PIEZO2: variants seen among roughly 807,000 people sequenced by gnomAD.
The protein encoded by PIEZO2 is piezo type mechanosensitive ion channel component 2.
A neutral mutation model predicts 337.3 loss-of-function variants in PIEZO2; 172 were observed. The ratio of observed to expected loss-of-function variants is 0.51; its 90% CI spans 0.45 to 0.58. The LOEUF (loss-of-function observed/expected upper bound fraction) is 0.58. Among genes scored for constraint, PIEZO2 ranks in the 20% least tolerant of loss-of-function variants. The probability of loss-of-function intolerance (pLI) is 0.00; values close to 1 mark genes in which losing one functional copy is unlikely to be tolerated. For missense variants in PIEZO2, 3,028 were observed against 3,391.3 expected (o/e 0.89, Z 2.66); for synonymous variants, 1,251 against 1,228.5 (o/e 1.02, Z -0.38).
rs934721545 is a variant in PIEZO2 at position 10,983,922 on chromosome 18, G to T, written c.161-4262C>A. Reference sequence around the variant, plus strand: ...ATTGAATGCTATCAGTACCAGGCCTGGTTTTGTTGGATAGAGAGAAGGCAC... The same window carrying T: ...ATTGAATGCTATCAGTACCAGGCCTTGTTTTGTTGGATAGAGAGAAGGCAC... On this transcript the variant is annotated intron_variant, in intron 2 of 55. Coordinates refer to ENST00000674853, the MANE Select transcript of PIEZO2 (RefSeq NM_001378183.1). Among the ~76,000 whole-genome samples, 6 of 152,092 alleles carry T rather than the reference G, an allele frequency of 3.9e-5. No homozygotes were observed. The South Asian group carries it at 6.2e-4, about 16-fold the overall frequency.
intron 40 of PIEZO2, 79 bp from the exon 41 acceptor site, chr18:10,705,825 C>T: frequency 1.4e-6 from 2 of 1,411,880 alleles, no homozygotes; most frequent in Middle Eastern, 3.8e-4. Flanking sequence ...CCTGAGAGAC[C>T]TCATCAGAAC....
At chr18:10,704,922 C>T (rs2035510709) in intron 41 of PIEZO2, among the ~76,000 whole-genome samples, 1 of 152,186 alleles carries the variant, frequency 6.6e-6, no homozygotes, top group African/African-American at 2.4e-5. Flanking sequence ...AACTCCTAAC[C>T]TCAGGTGATC....
chr18:11,023,183 A>G (rs1040174830), intron 2 of PIEZO2, among the ~76,000 whole-genome samples: 6 of 152,120 alleles, frequency 3.9e-5, no homozygotes, highest in African/African-American at 1.4e-4. Flanking sequence ...GACCCGACCC[A>G]GTTGCCACTG....
intron 1 of PIEZO2, among the ~76,000 whole-genome samples, chr18:11,106,181 G>A (rs1197240714): frequency 6.6e-6 from 1 of 151,958 alleles, no homozygotes; most frequent in Non-Finnish European, 1.5e-5. Flanking sequence ...CCGCCTCCCG[G>A]GTTCACGTCA....
chr18:10,802,659 T>C (rs1758009194), intron 9 of PIEZO2, among the ~76,000 whole-genome samples: 1 of 152,166 alleles, frequency 6.6e-6, no homozygotes, highest in African/African-American at 2.4e-5. Flanking sequence ...CACATAGGTA[T>C]GCAATTTGGT....
chr18:10,990,492 C>T (rs74502537), intron 2 of PIEZO2, among the ~76,000 whole-genome samples: 3,224 of 152,112 alleles, frequency 0.021, 122 homozygotes, highest in African/African-American at 0.072. Flanking sequence ...CCTTGGTCTG[C>T]CCCCGTCCAT....
chr18:10,678,530 A>G (rs1413043076), intron 52 of PIEZO2, among the ~76,000 whole-genome samples: 1 of 152,154 alleles, frequency 6.6e-6, no homozygotes, highest in African/African-American at 2.4e-5. Flanking sequence ...CTAACTAACA[A>G]GTCACTCTCA....
chr18:10,872,464 A>G lies in PIEZO2; in HGVS notation c.330-1049T>C, dbSNP rs921534059. On this transcript the variant is annotated intron_variant, in intron 4 of 55. Coordinates refer to ENST00000674853, the MANE Select transcript of PIEZO2 (RefSeq NM_001378183.1). The surrounding 1 kb of genome is among the most constrained non-coding windows in gnomAD (Gnocchi z 4.3). ...AGAGGCAGTATACTGAGTTGCCAGC[A>G]TAGTTGGCCAGCACACATCACCTCA... Among the ~76,000 whole-genome samples, 1 of 152,218 alleles carries G rather than the reference A, an allele frequency of 6.6e-6. No homozygotes were observed. The highest frequency in any genetic ancestry group is 1.5e-5 in the Non-Finnish European group (1 of 68,054).
chr18:10,890,903 C>T (rs529581263), intron 4 of PIEZO2, among the ~76,000 whole-genome samples: 16 of 152,250 alleles, frequency 1.1e-4, no homozygotes, highest in Admixed American at 4.6e-4. Flanking sequence ...TGGGAATCAA[C>T]CAGTACTTTA....
intron 18 of PIEZO2, among the ~76,000 whole-genome samples, chr18:10,778,719 G>A (rs1291445601): frequency 6.6e-5 from 10 of 152,198 alleles, no homozygotes. Context: ...CAAGTTTTTG[G>A]TCATTTGGGG....
chr18:10,680,744 A>G (rs1039051499), intron 51 of PIEZO2, among the ~76,000 whole-genome samples: 6 of 152,216 alleles, frequency 3.9e-5, no homozygotes, highest in Non-Finnish European at 7.3e-5. Flanking sequence ...TGCTCAGGAC[A>G]TCCCAACCCT....
chr18:10,785,045 C>T (rs1223071372), intron 16 of PIEZO2, 88 bp from the exon 17 acceptor site: 2 of 1,358,518 alleles, frequency 1.5e-6, no homozygotes, highest in Non-Finnish European at 2.0e-6. Flanking sequence ...CACAGTCTTA[C>T]ACTCCTGTCA....
At chr18:10,884,761 G>C (rs760923126) in intron 4 of PIEZO2, among the ~76,000 whole-genome samples, 10 of 152,148 alleles carry the variant, frequency 6.6e-5, no homozygotes, top group Admixed American at 2.6e-4. Context: ...TTTACTAAAA[G>C]AAGATAAGAT....
rs552366228 is a variant in PIEZO2 at position 10,878,014 on chromosome 18, A to C, written c.330-6599T>G. ...CTTCAGGTTCTCCTCATCTCTAAAAACACACCTGCCATGTCTCCTCTGTGA... is the reference window on the plus strand; with the variant it reads ...CTTCAGGTTCTCCTCATCTCTAAAACCACACCTGCCATGTCTCCTCTGTGA... On this transcript the variant is annotated intron_variant, in intron 4 of 55. Transcript: ENST00000674853. This position sits in a 1 kb window ranked among gnomAD's most constrained non-coding sequence, Gnocchi z 4.3. Among the ~76,000 whole-genome samples, 28 of 152,048 alleles carry C rather than the reference A, an allele frequency of 1.8e-4. No individual in the cohort carries two copies. Among genetic ancestry groups the C allele is most frequent in the African/African-American group, 6.5e-4 (27 of 41,442 alleles).
chr18:10,741,118 T>G lies in PIEZO2; in HGVS notation c.4637-16A>C, dbSNP rs1486945351. 6.5e-7 allele frequency: 1 copy of G among 1,529,446 alleles called. No individual in the cohort carries two copies. Among genetic ancestry groups the G allele is most frequent in the African/African-American group, 1.4e-5 (1 of 72,358 alleles). The allele number at this position is 1,529,446 out of a possible 1,614,324, so 94.7% of individuals were successfully genotyped here. ...TCTGCTTCTCCTAAAATAAAATACG[T>G]CCACATATTAATTCGTATAAAGTGA... On this transcript the variant is annotated splice_polypyrimidine_tract_variant and intron_variant, in intron 32 of 55. Coordinates refer to ENST00000674853, the MANE Select transcript of PIEZO2 (RefSeq NM_001378183.1).
chr18:10,747,552 G>A lies in PIEZO2; in HGVS notation c.4424+919C>T, dbSNP rs578027475. Among the ~76,000 whole-genome samples the A allele has an allele frequency of 2.2e-3, 328 of 152,294 alleles. 1 individual carries two copies. Among genetic ancestry groups the A allele is most frequent in the African/African-American group, 5.5e-3 (229 of 41,552 alleles). On this transcript the variant is annotated intron_variant, in intron 30 of 55. Coordinates refer to ENST00000674853, the MANE Select transcript of PIEZO2 (RefSeq NM_001378183.1). The stretch of plus-strand genomic sequence containing the variant: ...ATAACAATGAATTCCGGAGCAGTGC[G>A]GTACATAAAGTCATTGTCATCCACG...
intron 28 of PIEZO2, among the ~76,000 whole-genome samples, chr18:10,751,605 GC>G (rs34954180): frequency 6.6e-6 from 1 of 151,860 alleles, no homozygotes; most frequent in Non-Finnish European, 1.5e-5. Flanking sequence ...TGATACACGT[GC>G]CCCCCCGAAA....
In PIEZO2 at chr18:10,671,637, C is replaced by T. The variant is rs1321406999; in HGVS notation, c.8488G>A (p.Val2830Ile). 18 of 1,613,978 alleles carry T rather than the reference C, an allele frequency of 1.1e-5. No homozygotes were observed. Among genetic ancestry groups the T allele is most frequent in the Non-Finnish European group, 1.4e-5 (16 of 1,179,966 alleles). Residue 2830 changes from valine (V) to isoleucine (I), a missense_variant, in exon 56 of 56, where the codon GTT (valine) becomes ATT (isoleucine). Transcript: ENST00000674853. ...ILKLCTDIFL[V>I]RETGELELEE... The stretch of plus-strand genomic sequence containing the variant: ...AGCTCCAGTTCTCCTGTCTCTCGAA[C>T]TAAAAAAATATCTGTGCACAACTTC...
chr18:11,113,556 C>G (rs2039796768), intron 1 of PIEZO2, among the ~76,000 whole-genome samples: 1 of 152,184 alleles, frequency 6.6e-6, no homozygotes, highest in Non-Finnish European at 1.5e-5. Context: ...CTGCAATCCT[C>G]CGTATAACAG....
Sources: gnomAD v4.1 joint callset for allele counts (sites outside exome capture counted in the v4.1 genomes callset) on GRCh38, gnomAD v4.1.1 for gene constraint, Gnocchi (gnomAD v3.1) non-coding constraint, MANE v1.5 for transcripts, NCBI Gene and HGNC (gene_info 2026-07-23, HGNC 2026-07-21) for gene names.